P2RY11: variants seen among roughly 807,000 people sequenced by gnomAD.
P2RY11 encodes purinergic receptor P2Y11.
Under a neutral mutation model 2.4 loss-of-function variants are expected in P2RY11, and 3 were observed. The ratio of observed to expected loss-of-function variants is 1.22; its 90% CI spans 0.56 to 3.17. The LOEUF (loss-of-function observed/expected upper bound fraction) is 3.17, where lower values mean the gene tolerates loss of function less well. Among genes scored for constraint, P2RY11 ranks in the 30% most tolerant of loss-of-function variants. The pLI, the probability that P2RY11 is intolerant of heterozygous loss-of-function variation, is 0.03. For missense variants in P2RY11, 670 were observed against 528.2 expected, an observed-to-expected ratio of 1.27 and a Z score of -2.63; for synonymous variants, 307 against 237.3, an observed-to-expected ratio of 1.29 and a Z score of -2.70.
rs1452634728 is a variant in P2RY11 at position 10,114,226 on chromosome 19, T to C, written c.613T>C (p.Tyr205His). 1 of 1,599,704 alleles carries C rather than the reference T, an allele frequency of 6.3e-7. No homozygotes were observed. The highest frequency in any genetic ancestry group is 1.1e-5 in the South Asian group (1 of 91,060). Residue 205 changes from tyrosine (Y) to histidine (H), a missense_variant, in exon 2 of 2, where the codon TAT becomes CAT. Coordinates refer to ENST00000321826, the MANE Select transcript of P2RY11 (RefSeq NM_002566.5). ...ADHGLAAYRA[Y>H]SLVLAGLGCG... is the part of the protein sequence containing the mutation. ...CCACGGGCTGGCGGCCTACAGAGCGTATAGCCTGGTGCTGGCGGGGTTGGG... is the reference window on the plus strand; with the variant it reads ...CCACGGGCTGGCGGCCTACAGAGCGCATAGCCTGGTGCTGGCGGGGTTGGG...
chr19:10,114,077 T>G lies in P2RY11; in HGVS notation c.464T>G (p.Val155Gly), dbSNP rs779551000. The G allele has an allele frequency of 6.2e-7, 1 of 1,600,460 alleles. No homozygotes were observed. Among genetic ancestry groups the G allele is most frequent in the South Asian group, 1.1e-5 (1 of 91,012 alleles). ...TGGGCCGTGAGCGCTGCCGGCTGGG[T>G]CCTGGCCGCCCTGCTGGCCATGCCC... Reference protein sequence around the residue: ...HAWAVSAAGWVLAALLAMPTL... With the variant: ...HAWAVSAAGWGLAALLAMPTL... Residue 155 changes from valine to glycine, a missense_variant, in exon 2 of 2, where the codon GTC becomes GGC. Val to Gly is a moderately radical substitution (Grantham distance 109, BLOSUM62 -3). Transcript: ENST00000321826.
chr19:10,115,108 G>A lies in P2RY11; in HGVS notation c.*370G>A, dbSNP rs768710180. On this transcript the variant is annotated 3_prime_UTR_variant, in exon 2 of 2. Transcript: ENST00000321826. ...GTCCCGGACCGAGTACACAGTGGCA[G>A]CTGGCTTAGTTGGTGGACGGCCTGG... 2 of 1,614,066 alleles carry A rather than the reference G, an allele frequency of 1.2e-6. No homozygotes were observed. The highest frequency in any genetic ancestry group is 2.2e-5 in the East Asian group (1 of 44,882).
Position 10,115,021 on chromosome 19 carries a change from A to T in P2RY11, c.*283A>T, listed in dbSNP as rs1424509619. On this transcript the variant is annotated 3_prime_UTR_variant, in exon 2 of 2. Transcript: ENST00000321826. ...AGAACAAAAAGAACCAAGTAGAGAG[A>T]GTGGAGCTGCTTTATTGCCCTTGGA... The T allele has an allele frequency of 3.8e-6, 6 of 1,568,680 alleles. No homozygotes were observed. The highest frequency in any genetic ancestry group is 2.3e-5 in the South Asian group (2 of 88,054).
chr19:10,112,755 G>T (rs542170232), intron 1 of P2RY11, among the ~76,000 whole-genome samples: 21 of 152,198 alleles, frequency 1.4e-4, no homozygotes, highest in African/African-American at 4.8e-4. Context: ...GCCAACATGG[G>T]GAAACCCCAT....
Position 10,114,218 on chromosome 19 carries a change from A to C in P2RY11, c.605A>C (p.Tyr202Ser), listed in dbSNP as rs1231675581. The change falls in exon 2 of 2, where the codon TAC becomes TCC. Residue 202 changes from tyrosine to serine, a missense_variant. Transcript: ENST00000321826. ...ACAGCAGACCACGGGCTGGCGGCCTACAGAGCGTATAGCCTGGTGCTGGCG... is the reference window on the plus strand; with the variant it reads ...ACAGCAGACCACGGGCTGGCGGCCTCCAGAGCGTATAGCCTGGTGCTGGCG... Reference protein sequence around the residue: ...LGTADHGLAAYRAYSLVLAGL... With the variant: ...LGTADHGLAASRAYSLVLAGL... 6.3e-7 allele frequency: 1 copy of C among 1,599,940 alleles called. No individual in the cohort carries two copies. The highest frequency in any genetic ancestry group is 2.2e-5 in the East Asian group (1 of 44,862).
chr19:10,113,513 C>T (rs2089163411), intron 1 of P2RY11, 120 bp from the exon 2 acceptor site: 1 of 1,444,768 alleles, frequency 6.9e-7, no homozygotes, highest in Non-Finnish European at 9.3e-7. Flanking sequence ...CGGTCCCCCT[C>T]CAGGGAGGGG....
In P2RY11 at chr19:10,114,474, C is replaced by G. The variant is rs755301928; in HGVS notation, c.861C>G (p.Asp287Glu). ...RWSTRCPSFA[D>E]IAQATAALEL... Reference sequence around the variant, plus strand: ...GCACCCGCTGCCCGAGCTTTGCAGACATAGCCCAGGCCACAGCAGCCCTGG... The same window carrying G: ...GCACCCGCTGCCCGAGCTTTGCAGAGATAGCCCAGGCCACAGCAGCCCTGG... Residue 287 changes from aspartate to glutamate, a missense_variant, in exon 2 of 2, where the codon GAC becomes GAG. Coordinates refer to ENST00000321826, the MANE Select transcript of P2RY11 (RefSeq NM_002566.5). The G allele has an allele frequency of 1.2e-6, 2 of 1,612,270 alleles. No individual in the cohort carries two copies. Among genetic ancestry groups the G allele is most frequent in the Non-Finnish European group, 1.7e-6 (2 of 1,179,694 alleles).
rs2089207779 is a variant in P2RY11 at position 10,114,768 on chromosome 19, C to T, written c.*30C>T. 13 of 1,567,068 alleles carry T rather than the reference C, an allele frequency of 8.3e-6. No individual in the cohort carries two copies. Among genetic ancestry groups the T allele is most frequent in the Non-Finnish European group, 1.1e-5 (13 of 1,154,514 alleles). ...GCCTAGCGGAAGCTGCCTCCTCACCCTAGGTGTTGCTGGAGAACCCTGAGG... is the reference window on the plus strand; with the variant it reads ...GCCTAGCGGAAGCTGCCTCCTCACCTTAGGTGTTGCTGGAGAACCCTGAGG... On this transcript the variant is annotated 3_prime_UTR_variant, in exon 2 of 2. Transcript: ENST00000321826.
In P2RY11 at chr19:10,114,666, C is replaced by T. The variant is rs528606510; in HGVS notation, c.1053C>T (p.Gly351=). 6.2e-7 allele frequency: 1 copy of T among 1,613,952 alleles called. No individual in the cohort carries two copies. Among genetic ancestry groups the T allele is most frequent in the Admixed American group, 1.7e-5 (1 of 60,012 alleles). ...SWNPEDAKST[G]QALPLNATAA... is the part of the protein sequence containing the mutation. ...ACCCAGAGGACGCCAAGAGCACTGG[C>T]CAAGCCCTGCCCCTCAATGCCACAG... Residue 351 remains glycine, a synonymous_variant, in exon 2 of 2, where the codon GGC becomes GGT. Coordinates refer to ENST00000321826, the MANE Select transcript of P2RY11 (RefSeq NM_002566.5).
In P2RY11 at chr19:10,114,714, C is replaced by G. The variant is rs74462278; in HGVS notation, c.1101C>G (p.Pro367=). ...NATAAPKPSE[P]QSRELSQ ...CAGCCGCCCCTAAACCGTCAGAGCC[C>G]CAGTCCCGTGAGCTGAGCCAATGAT... is the stretch of plus-strand genomic sequence containing the variant. Residue 367 remains proline, a synonymous_variant, in exon 2 of 2, where the codon CCC becomes CCG. Transcript: ENST00000321826. 3.9e-3 allele frequency: 6,205 copies of G among 1,609,574 alleles called. 190 individuals are homozygous for G. In the South Asian group the frequency reaches 0.046, roughly 12 times the overall value.
Position 10,113,797 on chromosome 19 carries a change from C to A in P2RY11, c.184C>A (p.His62Asn). The change falls in exon 2 of 2, where the codon CAC (histidine) becomes AAC (asparagine). Residue 62 changes from histidine (H) to asparagine (N), a missense_variant. Physicochemically the swap from His to Asn is moderately conservative, Grantham distance 68. Coordinates refer to ENST00000321826, the MANE Select transcript of P2RY11 (RefSeq NM_002566.5). ...RFSIRKQRPW[H>N]PAVVFSVQLA... ...CAGCATCCGGAAGCAGCGCCCATGG[C>A]ACCCCGCCGTGGTCTTCTCTGTCCA... The A allele has an allele frequency of 6.2e-7, 1 of 1,613,984 alleles. No individual in the cohort carries two copies. Among genetic ancestry groups the A allele is most frequent in the Non-Finnish European group, 8.5e-7 (1 of 1,179,988 alleles).
chr19:10,113,716 C>G lies in P2RY11; in HGVS notation c.103C>G (p.Leu35Val). The change falls in exon 2 of 2, where the codon CTG becomes GTG. Residue 35 changes from leucine to valine, a missense_variant. Physicochemically the swap from Leu to Val is conservative, Grantham distance 32. Transcript: ENST00000321826. ...GFQGDFLWPI[L>V]VVEFLVAVAS... Reference sequence around the variant, plus strand: ...CCAGGGGGACTTCCTGTGGCCCATACTGGTGGTTGAGTTCCTGGTGGCCGT... The same window carrying G: ...CCAGGGGGACTTCCTGTGGCCCATAGTGGTGGTTGAGTTCCTGGTGGCCGT... The G allele has an allele frequency of 6.2e-7, 1 of 1,611,294 alleles. No individual in the cohort carries two copies. The highest frequency in any genetic ancestry group is 1.1e-5 in the South Asian group (1 of 90,720).
rs2089083419 is a variant in P2RY11 at position 10,111,706 on chromosome 19, G to A, written c.-16G>A. ...GAACTGGGTAGCAGACACAGGCTGA[G>A]GATCGGCACGGGAGCATGGCAGCCA... On this transcript the variant is annotated 5_prime_UTR_variant, in exon 1 of 2. Coordinates refer to ENST00000321826, the MANE Select transcript of P2RY11 (RefSeq NM_002566.5). 11 of 1,613,696 alleles carry A rather than the reference G, an allele frequency of 6.8e-6. No homozygotes were observed. Among genetic ancestry groups the A allele is most frequent in the South Asian group, 1.1e-5 (1 of 91,064 alleles).
Position 10,114,838 on chromosome 19 carries a change from C to T in P2RY11, c.*100C>T. 1 of 1,501,598 alleles carries T rather than the reference C, an allele frequency of 6.7e-7. No individual in the cohort carries two copies. Among genetic ancestry groups the T allele is most frequent in the East Asian group, 2.3e-5 (1 of 42,812 alleles). The allele number at this position is 1,501,598 out of a possible 1,614,324, so 93.0% of individuals were successfully genotyped here. A position where few individuals can be genotyped will look rare whatever the true frequency, so the allele number is the denominator to read the frequency against. On this transcript the variant is annotated 3_prime_UTR_variant, in exon 2 of 2. Coordinates refer to ENST00000321826, the MANE Select transcript of P2RY11 (RefSeq NM_002566.5). Reference sequence around the variant, plus strand: ...ACATCCCTTCCCCCAAAAAGCAACACCTGTGCTTGCAGCCAGGTCAGGCCC... The same window carrying T: ...ACATCCCTTCCCCCAAAAAGCAACATCTGTGCTTGCAGCCAGGTCAGGCCC...
chr19:10,113,965 ATCT>A lies in P2RY11; in HGVS notation c.355_357del (p.Phe119del), dbSNP rs779403259. 6.2e-7 allele frequency: 1 copy of A among 1,601,836 alleles called. No individual in the cohort carries two copies. The highest frequency in any genetic ancestry group is 2.2e-5 in the East Asian group (1 of 44,868). ...CACCTGCAACCTGCTGGGCAGCGTC[ATCT>A]TCATCACCTGCATCAGCCTCAACCG... is the stretch of plus-strand genomic sequence containing the variant. On this transcript the variant is annotated inframe_deletion, in exon 2 of 2. Transcript: ENST00000321826.
Position 10,113,746 on chromosome 19 carries a change from A to G in P2RY11, c.133A>G (p.Ser45Gly). ...LVVEFLVAVA[S>G]NGLALYRFSI... ...GGTTGAGTTCCTGGTGGCCGTGGCC[A>G]GCAATGGCCTGGCCCTGTACCGCTT... Residue 45 changes from serine to glycine, a missense_variant, in exon 2 of 2, where the codon AGC (serine) becomes GGC (glycine). Ser to Gly is a moderately conservative substitution (Grantham distance 56). Transcript: ENST00000321826. The G allele has an allele frequency of 6.2e-7, 1 of 1,613,992 alleles. No homozygotes were observed. The highest frequency in any genetic ancestry group is 8.5e-7 in the Non-Finnish European group (1 of 1,179,944).
In P2RY11 at chr19:10,115,199, A is replaced by G; in HGVS notation, c.*461A>G. 1 of 1,583,524 alleles carries G rather than the reference A, an allele frequency of 6.3e-7. No homozygotes were observed. Among genetic ancestry groups the G allele is most frequent in the African/African-American group, 1.3e-5 (1 of 74,468 alleles). ...CCAAGACCCCAGACACCCAAGTGGC[A>G]TCTTGGGGGTGGGTGGGCAGAGGAC... On this transcript the variant is annotated 3_prime_UTR_variant, in exon 2 of 2. Transcript: ENST00000321826.
In P2RY11 at chr19:10,114,169, G is replaced by T. The variant is rs145284058; in HGVS notation, c.556G>T (p.Glu186Ter). Residue 186 changes from glutamate to a stop codon, truncating the protein, a stop_gained, in exon 2 of 2, where the codon GAG becomes TAG. Coordinates refer to ENST00000321826, the MANE Select transcript of P2RY11 (RefSeq NM_002566.5). LOFTEE classifies it low-confidence loss of function (END_TRUNC). ...GGGCAACTGCAGCGTGGCCAGGCCCGAGGCCTGCATCAAGTGTCTGGGGAC... is the reference window on the plus strand; with the variant it reads ...GGGCAACTGCAGCGTGGCCAGGCCCTAGGCCTGCATCAAGTGTCTGGGGAC... ...GAGNCSVARP[E>*]ACIKCLGTAD... The T allele has an allele frequency of 6.9e-6, 11 of 1,600,700 alleles. No individual in the cohort carries two copies. Among genetic ancestry groups the T allele is most frequent in the Non-Finnish European group, 9.3e-6 (11 of 1,179,482 alleles).
rs1035397122 is a variant in P2RY11 at position 10,115,169 on chromosome 19, G to A, written c.*431G>A. 6.2e-7 allele frequency: 1 copy of A among 1,611,370 alleles called. No homozygotes were observed. Among genetic ancestry groups the A allele is most frequent in the Non-Finnish European group, 8.5e-7 (1 of 1,178,842 alleles). ...GGTGGCAGGTATAAGACTTCTGGGGGCACCCCAAGACCCCAGACACCCAAG... is the reference window on the plus strand; with the variant it reads ...GGTGGCAGGTATAAGACTTCTGGGGACACCCCAAGACCCCAGACACCCAAG... On this transcript the variant is annotated 3_prime_UTR_variant, in exon 2 of 2. Transcript: ENST00000321826.
Sources: allele counts gnomAD v4.1 joint callset (sites outside exome capture counted in the v4.1 genomes callset), GRCh38; gene constraint gnomAD v4.1.1; transcripts MANE v1.5; gene names NCBI Gene and HGNC (gene_info 2026-07-23, HGNC 2026-07-21).